GRHPR: variants seen among roughly 807,000 people sequenced by gnomAD.
GRHPR encodes glyoxylate reductase/hydroxypyruvate reductase.
Under a neutral mutation model 36.8 loss-of-function variants are expected in GRHPR, and 35 were observed. That is an observed-to-expected ratio of 0.95 (90% CI 0.73 to 1.26). The LOEUF (loss-of-function observed/expected upper bound fraction) is 1.26, where lower values mean the gene tolerates loss of function less well. GRHPR is among the 50% of genes most tolerant of loss of function. The pLI is 0.00. For missense variants in GRHPR, 380 were observed against 435.0 expected, an observed-to-expected ratio of 0.87 and a Z score of 1.12; for synonymous variants, 179 against 181.0, an observed-to-expected ratio of 0.99 and a Z score of 0.09.
chr9:37,426,626 T>G lies in GRHPR; in HGVS notation c.376T>G (p.Leu126Val), dbSNP rs750231875. 6.2e-7 allele frequency: 1 copy of G among 1,611,664 alleles called. No homozygotes were observed. The highest frequency in any genetic ancestry group is 1.7e-5 in the Admixed American group (1 of 60,018). ...VSLLLTTCRR[L>V]PEAIEEVKNG... ...CCTGCTACTTACCACCTGCCGCCGG[T>G]TGCCGGAGGCCATCGAGGAAGTGAA... Residue 126 changes from leucine to valine, a missense_variant, in exon 4 of 9, where the codon TTG (leucine) becomes GTG (valine). Physicochemically the swap from Leu to Val is conservative, Grantham distance 32 (BLOSUM62 1). Coordinates refer to ENST00000318158, the MANE Select transcript of GRHPR (RefSeq NM_012203.2).
rs151071723 is a variant in GRHPR at position 37,432,535 on chromosome 9, A to G, written c.865+397A>G. 1,405 of 299,692 alleles carry G rather than the reference A, an allele frequency of 4.7e-3. 20 individuals carry two copies. Among genetic ancestry groups the G allele is most frequent in the African/African-American group, 0.029 (1,333 of 46,076 alleles). The allele number at this position is 299,692 out of a possible 1,614,324, so 18.6% of individuals were successfully genotyped here. A position where few individuals can be genotyped will look rare whatever the true frequency, so the allele number is the denominator to read the frequency against. On this transcript the variant is annotated intron_variant, in intron 8 of 8. Coordinates refer to ENST00000318158, the MANE Select transcript of GRHPR (RefSeq NM_012203.2). ...TCTACTAAAAATACAAAAATTAGCC[A>G]GGTATGGTGGTGCATGCCTATAGTC...
intron 4 of GRHPR, 80 bp downstream of exon 4, chr9:37,426,734 G>A: frequency 2.4e-6 from 2 of 825,604 alleles, no homozygotes; most frequent in Non-Finnish European, 4.3e-6. Flanking sequence ...CGGATCATGA[G>A]GTTAGGAGTT....
rs555212538 is a variant in GRHPR at position 37,430,777 on chromosome 9, A to C, written c.734+131A>C. On this transcript the variant is annotated intron_variant, in intron 7 of 8. Coordinates refer to ENST00000318158, the MANE Select transcript of GRHPR (RefSeq NM_012203.2). The stretch of plus-strand genomic sequence containing the variant: ...GCTTGCTGGTTTCCATAAACCAAAC[A>C]ACCAACTCAGAAATTCGTGGGAATA... 68 of 835,518 alleles carry C rather than the reference A, an allele frequency of 8.1e-5. No homozygotes were observed. In the African/African-American group the frequency reaches 1.1e-3, roughly 13 times the overall value. 51.8% of individuals were successfully genotyped at this position (835,518 alleles called of 1,614,324 possible).
intron 4 of GRHPR, 141 bp from the exon 5 acceptor site, chr9:37,428,343 G>A: frequency 1.4e-6 from 1 of 703,362 alleles, no homozygotes; most frequent in Non-Finnish European, 2.6e-6. Context: ...AGTGCCGAGT[G>A]GCAGTGCCTC....
chr9:37,435,575 G>A (rs913959508), intron 8 of GRHPR, among the ~76,000 whole-genome samples: 3 of 151,340 alleles, frequency 2.0e-5, no homozygotes, highest in African/African-American at 7.4e-5. Context: ...TACCAGAGAG[G>A]AGAAGAAACT....
At chr9:37,426,706 T>C (rs1823099048) in intron 4 of GRHPR, 52 bp downstream of exon 4, 1 of 1,040,186 alleles carries the variant, frequency 9.6e-7, no homozygotes, top group African/African-American at 1.6e-5. Context: ...TCCCAGCACT[T>C]TGGGAGGCCA....
chr9:37,426,264 G>A (rs563902439), intron 3 of GRHPR: 1 of 602,684 alleles, frequency 1.7e-6, no homozygotes, highest in South Asian at 2.0e-5. Flanking sequence ...GCAAAGGCAG[G>A]TGTTATTCTT....
In GRHPR at chr9:37,429,853, T is replaced by G. The variant is rs1392725821; in HGVS notation, c.598+17T>G. 2.2e-6 allele frequency: 3 copies of G among 1,390,202 alleles called. No individual in the cohort carries two copies. The highest frequency in any genetic ancestry group is 3.1e-6 in the Non-Finnish European group (3 of 975,266). 86.1% of individuals were successfully genotyped at this position (1,390,202 alleles called of 1,614,324 possible). A position where few individuals can be genotyped will look rare whatever the true frequency, so the allele number is the denominator to read the frequency against. ...CAGAGTTTGGTAAGTGAAGCCTTGA[T>G]TTCCACAGGAGCCTATCTGTGCCCA... On this transcript the variant is annotated intron_variant, in intron 6 of 8. Coordinates refer to ENST00000318158, the MANE Select transcript of GRHPR (RefSeq NM_012203.2).
At chr9:37,431,397 C>G in intron 7 of GRHPR, 1 of 302,852 alleles carries the variant, frequency 3.3e-6, no homozygotes. Flanking sequence ...GTACTGGGTG[C>G]CTGCATGTAC....
intron 4 of GRHPR, chr9:37,427,821 C>G (rs10973333): frequency 0.095 from 14,192 of 149,360 alleles, 1,169 homozygotes; most frequent in African/African-American, 0.23. Flanking sequence ...CTGGGCGACA[C>G]AGCAAGACCC....
At chr9:37,426,693 TA>T (rs1301009303) in intron 4 of GRHPR, 39 bp downstream of exon 4, 1 of 1,197,832 alleles carries the variant, frequency 8.3e-7, no homozygotes, top group Non-Finnish European at 1.2e-6. Flanking sequence ...CTCACGGCTG[TA>T]ATCCCAGCAC....
intron 8 of GRHPR, 22 bp from the exon 9 acceptor site, chr9:37,436,639 T>C (rs1197118184): frequency 3.3e-6 from 5 of 1,532,648 alleles, no homozygotes; most frequent in Non-Finnish European, 4.5e-6. Context: ...TATCTCCCTC[T>C]CTCTCTCTCT....
At chr9:37,433,496 A>C (rs1823478605) in intron 8 of GRHPR, among the ~76,000 whole-genome samples, 1 of 152,016 alleles carries the variant, frequency 6.6e-6, no homozygotes, top group South Asian at 2.1e-4. Context: ...TGCCTCCCAA[A>C]GTGCTGGGAT....
chr9:37,427,039 C>T (rs994976362), intron 4 of GRHPR, among the ~76,000 whole-genome samples: 13 of 152,266 alleles, frequency 8.5e-5, no homozygotes, highest in East Asian at 7.7e-4. Flanking sequence ...GTCCAGCCCA[C>T]GCATAGTCCC....
intron 8 of GRHPR, chr9:37,434,503 G>A (rs1296747733): frequency 4.1e-6 from 2 of 491,750 alleles, no homozygotes; most frequent in East Asian, 3.8e-5. Flanking sequence ...TGAGGCAGAG[G>A]TAGAGGAAAA....
Position 37,436,286 on chromosome 9 carries a change from T to A in GRHPR, c.866-375T>A, listed in dbSNP as rs149182869. On this transcript the variant is annotated intron_variant, in intron 8 of 8. Transcript: ENST00000318158. Reference sequence around the variant, plus strand: ...ACTACGCCTGGCTAAATTTTTGTATTTTTTGTAGAGACGGGGTTTTGCCAT... The same window carrying A: ...ACTACGCCTGGCTAAATTTTTGTATATTTTGTAGAGACGGGGTTTTGCCAT... Among the ~76,000 whole-genome samples the A allele has an allele frequency of 2.3e-3, 355 of 152,244 alleles. 2 individuals are homozygous for A. The highest frequency in any genetic ancestry group is 7.9e-3 in the African/African-American group (329 of 41,534).
intron 3 of GRHPR, chr9:37,426,221 C>A (rs1823069509): frequency 1.3e-5 from 8 of 606,330 alleles, no homozygotes; most frequent in Non-Finnish European, 2.1e-5. Flanking sequence ...CATTCATTAT[C>A]TTTTTTGATC....
intron 1 of GRHPR, among the ~76,000 whole-genome samples, chr9:37,424,500 C>A (rs543091089): frequency 7.9e-5 from 12 of 152,268 alleles, no homozygotes; most frequent in African/African-American, 2.7e-4. Flanking sequence ...CCAGGCCCCC[C>A]ACCTGAGGCA....
At chr9:37,429,129 G>A (rs1823229660) in intron 5 of GRHPR, 2 of 271,676 alleles carry the variant, frequency 7.4e-6, no homozygotes, top group Non-Finnish European at 1.4e-5. Context: ...GGGTGCGGGT[G>A]AGGGTGGAGA....
Sources: gnomAD v4.1 joint callset for allele counts (sites outside exome capture counted in the v4.1 genomes callset) on GRCh38, gnomAD v4.1.1 for gene constraint, MANE v1.5 for transcripts, NCBI Gene and HGNC (gene_info 2026-07-23, HGNC 2026-07-21) for gene names.